The following YTHDC2 variants were observed in gnomAD, a reference collection of about 807,000 sequenced individuals.
YTHDC2 encodes YTH N6-methyladenosine RNA binding protein C2.
YTHDC2 carries 45 observed loss-of-function variants against 174.9 expected under a neutral mutation model. The observed-to-expected ratio is 0.26, with a 90% CI of 0.20 to 0.33. YTHDC2 has a LOEUF of 0.33. Among genes scored for constraint, YTHDC2 ranks in the 10% least tolerant of loss-of-function variants. YTHDC2 has a pLI of 1.00. For synonymous variants in YTHDC2, 657 were observed against 574.5 expected, an observed-to-expected ratio of 1.14 and a Z score of -2.05; for missense variants, 1,650 against 1,723.7, an observed-to-expected ratio of 0.96 and a Z score of 0.76.
intron 23 of YTHDC2, among the ~76,000 whole-genome samples, chr5:113,571,145 A>G (rs1181177592): frequency 6.6e-6 from 1 of 152,206 alleles, no homozygotes; most frequent in Non-Finnish European, 1.5e-5. Flanking sequence ...TTATTTTGAG[A>G]TATGTTCCTT....
chr5:113,525,547 C>A (rs1193825387), intron 3 of YTHDC2, among the ~76,000 whole-genome samples: 1 of 151,916 alleles, frequency 6.6e-6, no homozygotes, highest in Admixed American at 6.6e-5. Flanking sequence ...ATAATTCATT[C>A]GAGGACACCA....
chr5:113,568,370 CTTTTA>C (rs1352445182), intron 23 of YTHDC2, among the ~76,000 whole-genome samples: 2 of 151,932 alleles, frequency 1.3e-5, no homozygotes, highest in Admixed American at 6.6e-5. Context: ...TTTCCTTCAA[CTTTTA>C]TTTTAAGTTC....
intron 8 of YTHDC2, among the ~76,000 whole-genome samples, chr5:113,540,715 T>C (rs1358250366): frequency 1.3e-5 from 2 of 152,208 alleles, no homozygotes; most frequent in Non-Finnish European, 2.9e-5. Flanking sequence ...CTGCGAATTA[T>C]AATTCAAGAT....
chr5:113,534,278 C>T (rs755560358), intron 5 of YTHDC2, 27 bp from the exon 6 acceptor site: 37 of 1,576,456 alleles, frequency 2.3e-5, no homozygotes, highest in Non-Finnish European at 3.0e-5. Context: ...TGCAATTGTG[C>T]ACTTTGTTTT....
chr5:113,570,283 G>C (rs947920832), intron 23 of YTHDC2, among the ~76,000 whole-genome samples: 1 of 152,004 alleles, frequency 6.6e-6, no homozygotes, highest in Non-Finnish European at 1.5e-5. Context: ...TTTTACTAGA[G>C]ACAGGGTCTC....
At chr5:113,556,316 GTTAAAA>G in intron 17 of YTHDC2, 182 bp downstream of exon 17, 1 of 403,306 alleles carries the variant, frequency 2.5e-6, no homozygotes. Flanking sequence ...TGTAGGTTAT[GTTAAAA>G]TTAAAAACTT....
rs932792139 is a variant in YTHDC2, at chr5:113,563,355, T to G, written c.2323-18T>G. On this transcript the variant is annotated intron_variant, in intron 18 of 29. Coordinates refer to ENST00000161863, the MANE Select transcript of YTHDC2 (RefSeq NM_022828.5). ...TTCTTTTTAATTTTAAAAAATTATT[T>G]ACTGTTTTGGTTTATAGGAACTTTG... 3 of 1,584,330 alleles carry G rather than the reference T, an allele frequency of 1.9e-6. No individual in the cohort carries two copies. The highest frequency in any genetic ancestry group is 2.6e-6 in the Non-Finnish European group (3 of 1,165,262).
chr5:113,579,835 C>T, intron 24 of YTHDC2, 140 bp downstream of exon 24: 1 of 1,294,216 alleles, frequency 7.7e-7, no homozygotes, highest in Non-Finnish European at 9.8e-7. Context: ...TTCTTGGGGA[C>T]CTCATTCATT....
Position 113,517,885 on chromosome 5 carries a change from T to A in YTHDC2, c.278+2523T>A, listed in dbSNP as rs544766299. On this transcript the variant is annotated intron_variant, in intron 2 of 29. Coordinates refer to ENST00000161863, the MANE Select transcript of YTHDC2 (RefSeq NM_022828.5). The stretch of plus-strand genomic sequence containing the variant: ...ATTTTCTGTTCACCCTTTGACTTTA[T>A]TTTATTTTATTTTATTTTTTTGAGA... Among the ~76,000 whole-genome samples, 22 of 152,210 alleles carry A rather than the reference T, an allele frequency of 1.4e-4. No homozygotes were observed. The South Asian group carries it at 4.4e-3, about 30-fold the overall frequency.
Position 113,549,276 on chromosome 5 carries a change from A to G in YTHDC2, c.1688+256A>G, listed in dbSNP as rs145762797. Among the ~76,000 whole-genome samples the G allele has an allele frequency of 9.8e-3, 1,496 of 152,280 alleles. 14 individuals carry two copies. Among genetic ancestry groups the G allele is most frequent in the South Asian group, 0.023 (113 of 4,834 alleles). On this transcript the variant is annotated intron_variant, in intron 12 of 29. Coordinates refer to ENST00000161863, the MANE Select transcript of YTHDC2 (RefSeq NM_022828.5). The stretch of plus-strand genomic sequence containing the variant: ...CTCTGCATTTTCTCAAACCTTTTAC[A>G]TTTCTCAAAACCTCACTAAAATGAC...
intron 12 of YTHDC2, 142 bp downstream of exon 12, chr5:113,549,162 G>A (rs1365523893): frequency 3.1e-6 from 2 of 638,566 alleles, no homozygotes; most frequent in African/African-American, 3.7e-5. Context: ...GAAATTTTCT[G>A]TCTGATCTAC....
At chr5:113,560,343 T>C (rs187333244) in intron 17 of YTHDC2, among the ~76,000 whole-genome samples, 3 of 152,330 alleles carry the variant, frequency 2.0e-5, no homozygotes, top group Admixed American at 2.0e-4. Flanking sequence ...TTGAACTTAA[T>C]GGTTGAGAAA....
intron 18 of YTHDC2, among the ~76,000 whole-genome samples, chr5:113,561,469 C>CTATCTATCTA (rs200238648): frequency 1.6e-5 from 2 of 125,622 alleles, no homozygotes; most frequent in African/African-American, 7.6e-5. Context: ...ATCTATCTAT[C>CTATCTATCTA]TATATTTTTT....
intron 12 of YTHDC2, among the ~76,000 whole-genome samples, chr5:113,550,112 G>A (rs1203069517): frequency 5.4e-5 from 2 of 37,292 alleles, no homozygotes; most frequent in African/African-American, 8.6e-5. Flanking sequence ...ACAAAAATTG[G>A]GGGAGAAAAA....
intron 4 of YTHDC2, among the ~76,000 whole-genome samples, chr5:113,531,545 C>T (rs566441847): frequency 2.0e-4 from 31 of 151,978 alleles, no homozygotes; most frequent in African/African-American, 5.3e-4. Flanking sequence ...TCTGTGTCTA[C>T]GAGCTCAGCT....
In YTHDC2 at chr5:113,565,885, T is replaced by C; in HGVS notation, c.2716-8T>C. ...GTGTCTTGTTATGCAATTATTCTCT[T>C]TTTATAGGCCTGGCAAAAAGCACGA... On this transcript the variant is annotated splice_region_variant and splice_polypyrimidine_tract_variant and intron_variant, in intron 20 of 29. Transcript: ENST00000161863. 2 of 1,609,872 alleles carry C rather than the reference T, an allele frequency of 1.2e-6. No individual in the cohort carries two copies. Among genetic ancestry groups the C allele is most frequent in the Non-Finnish European group, 1.7e-6 (2 of 1,178,534 alleles).
chr5:113,591,818 C>T (rs954967535), intron 27 of YTHDC2, among the ~76,000 whole-genome samples, 178 bp from the exon 28 acceptor site: 1 of 151,878 alleles, frequency 6.6e-6, no homozygotes, highest in East Asian at 1.9e-4. Context: ...CTAAAATTTG[C>T]TAAGAGAGCT....
chr5:113,567,207 G>A lies in YTHDC2; in HGVS notation c.2958G>A (p.Val986=), dbSNP rs940619022. 1 of 1,613,662 alleles carries A rather than the reference G, an allele frequency of 6.2e-7. No individual in the cohort carries two copies. Among genetic ancestry groups the A allele is most frequent in the Non-Finnish European group, 8.5e-7 (1 of 1,179,878 alleles). The change falls in exon 22 of 30, where the codon GTG becomes GTA. Residue 986 remains valine, a synonymous_variant. Transcript: ENST00000161863. The part of the protein sequence containing the change: ...VAGMYPNLVH[V]DRENLVLTGP... ...GCATGTATCCTAATTTAGTCCACGTGGACAGAGAGAATCTAGTGTTGACAG... is the reference window on the plus strand; with the variant it reads ...GCATGTATCCTAATTTAGTCCACGTAGACAGAGAGAATCTAGTGTTGACAG...
chr5:113,532,921 C>T lies in YTHDC2; in HGVS notation c.718C>T (p.Pro240Ser), dbSNP rs1774777710. 5 of 1,613,574 alleles carry T rather than the reference C, an allele frequency of 3.1e-6. No individual in the cohort carries two copies. The highest frequency in any genetic ancestry group is 2.7e-5 in the African/African-American group (2 of 74,808). Residue 240 changes from proline to serine, a missense_variant, in exon 5 of 30, where the codon CCC (proline) becomes TCC (serine). Pro to Ser is a moderately conservative substitution (Grantham distance 74, BLOSUM62 -1). Around this residue, in one of 5 missense-constraint regions of YTHDC2, gnomAD observed 304 missense variants for 341.4 expected, o/e 0.89. Coordinates refer to ENST00000161863, the MANE Select transcript of YTHDC2 (RefSeq NM_022828.5). The stretch of plus-strand genomic sequence containing the variant: ...AGATGATTGCTTTAAAAATGGTATC[C>T]CCTGCCGTATATTTTGTACTCAACC... The part of the protein sequence containing the change: ...LLDDCFKNGI[P>S]CRIFCTQPRR...
Sources: gnomAD v4.1 joint callset for allele counts (sites outside exome capture counted in the v4.1 genomes callset) on GRCh38, gnomAD v4.1.1 for gene constraint, gnomAD v4.1.1 regional missense constraint, MANE v1.5 for transcripts, NCBI Gene and HGNC (gene_info 2026-07-23, HGNC 2026-07-21) for gene names.